The following CYB5D2 variants were observed in gnomAD, a reference collection of about 807,000 sequenced individuals.
The protein encoded by CYB5D2 is neuferricin.
Under a neutral mutation model 22.8 loss-of-function variants are expected in CYB5D2, and 23 were observed. The observed-to-expected ratio is 1.01, with a 90% CI of 0.73 to 1.43. CYB5D2 has a LOEUF of 1.43. Among genes scored for constraint, CYB5D2 ranks in the 40% most tolerant of loss-of-function variants. The pLI is 0.00. For missense variants in CYB5D2, 373 were observed against 357.2 expected, an observed-to-expected ratio of 1.04 and a Z score of -0.36; for synonymous variants, 170 against 152.2, an observed-to-expected ratio of 1.12 and a Z score of -0.86.
chr17:4,143,771 G>A lies in CYB5D2; in HGVS notation c.16G>A (p.Gly6Ser), dbSNP rs1482337195. The A allele has an allele frequency of 1.9e-5, 30 of 1,613,626 alleles. No individual in the cohort carries two copies. The highest frequency in any genetic ancestry group is 2.3e-5 in the Non-Finnish European group (27 of 1,179,936). ...GCCTATATAGATGTTGAGGTGCGGA[G>A]GCCGTGGGCTTTTGTTGGGCCTGGC... MLRCG[G>S]RGLLLGLAVA... Residue 6 changes from glycine to serine, a missense_variant, in exon 1 of 4, where the codon GGC becomes AGC. Transcript: ENST00000301391.
In CYB5D2 at chr17:4,157,550, G is replaced by A. The variant is rs562508546; in HGVS notation, c.*468G>A. 4.8e-5 allele frequency: 8 copies of A among 166,496 alleles called. No individual in the cohort carries two copies. In the South Asian group the frequency reaches 1.1e-3, roughly 24 times the overall value. The allele number at this position is 166,496 out of a possible 1,614,324, so 10.3% of individuals were successfully genotyped here. A position where few individuals can be genotyped will look rare whatever the true frequency, so the allele number is the denominator to read the frequency against. On this transcript the variant is annotated 3_prime_UTR_variant, in exon 4 of 4. Coordinates refer to ENST00000301391, the MANE Select transcript of CYB5D2 (RefSeq NM_144611.4). This position sits in a 1 kb window ranked among gnomAD's most constrained non-coding sequence, Gnocchi z 4.4. Reference sequence around the variant, plus strand: ...GAACAAAGCAACAATTTAAAGCAACGACATTTTCTGTCCTTTAAGCACTTA... The same window carrying A: ...GAACAAAGCAACAATTTAAAGCAACAACATTTTCTGTCCTTTAAGCACTTA...
chr17:4,150,168 T>C (rs1424606407), intron 2 of CYB5D2, 137 bp downstream of exon 2: 13 of 1,155,802 alleles, frequency 1.1e-5, no homozygotes, highest in Non-Finnish European at 1.6e-5. Flanking sequence ...TTCTGGTCGT[T>C]AGAATAGGGA....
chr17:4,157,273 GC>G lies in CYB5D2; in HGVS notation c.*193del. 1 of 650,864 alleles carries G rather than the reference GC, an allele frequency of 1.5e-6. No individual in the cohort carries two copies. The highest frequency in any genetic ancestry group is 2.6e-6 in the Non-Finnish European group (1 of 379,370). The allele number at this position is 650,864 out of a possible 1,614,324, so 40.3% of individuals were successfully genotyped here. On this transcript the variant is annotated 3_prime_UTR_variant, in exon 4 of 4. Transcript: ENST00000301391. This position sits in a 1 kb window ranked among gnomAD's most constrained non-coding sequence, Gnocchi z 4.4. Reference sequence around the variant, plus strand: ...CGTTGTGGTGCCTGAGGGACAGCCGGCCACCTGCCCAGTACTGGTCAGCTTT... The same window carrying G: ...CGTTGTGGTGCCTGAGGGACAGCCGGCACCTGCCCAGTACTGGTCAGCTTT...
chr17:4,151,869 G>T (rs2059062088), intron 2 of CYB5D2, among the ~76,000 whole-genome samples: 1 of 151,910 alleles, frequency 6.6e-6, no homozygotes, highest in Non-Finnish European at 1.5e-5. Flanking sequence ...AGCTGGGTGT[G>T]GTGGGACACA....
At chr17:4,145,495 T>C in intron 1 of CYB5D2, among the ~76,000 whole-genome samples, 1 of 152,200 alleles carries the variant, frequency 6.6e-6, no homozygotes, top group East Asian at 1.9e-4. Context: ...CTGTGGGAGC[T>C]GTCGTTGGAT....
chr17:4,143,496 A>T lies in CYB5D2; in HGVS notation c.-260A>T. On this transcript the variant is annotated 5_prime_UTR_variant, in exon 1 of 4. Coordinates refer to ENST00000301391, the MANE Select transcript of CYB5D2 (RefSeq NM_144611.4). ...AGCCGAGATTCCGCCAGTGCACTCC[A>T]GCCTGGACAACAAGAGCTAAAACTC... is the stretch of plus-strand genomic sequence containing the variant. 1 of 355,532 alleles carries T rather than the reference A, an allele frequency of 2.8e-6. No homozygotes were observed. 22.0% of individuals were successfully genotyped at this position (355,532 alleles called of 1,614,324 possible).
chr17:4,143,764 G>A lies in CYB5D2; in HGVS notation c.9G>A (p.Arg3=). Reference sequence around the variant, plus strand: ...CGGGTGGGCCTATATAGATGTTGAGGTGCGGAGGCCGTGGGCTTTTGTTGG... The same window carrying A: ...CGGGTGGGCCTATATAGATGTTGAGATGCGGAGGCCGTGGGCTTTTGTTGG... The part of the protein sequence containing the change: ML[R]CGGRGLLLGL... Residue 3 remains arginine, a synonymous_variant, in exon 1 of 4, where the codon AGG becomes AGA. Coordinates refer to ENST00000301391, the MANE Select transcript of CYB5D2 (RefSeq NM_144611.4). The A allele has an allele frequency of 6.2e-7, 1 of 1,613,556 alleles. No individual in the cohort carries two copies. The highest frequency in any genetic ancestry group is 8.5e-7 in the Non-Finnish European group (1 of 1,179,852).
At chr17:4,149,167 G>A (rs910526217) in intron 1 of CYB5D2, among the ~76,000 whole-genome samples, 9 of 152,176 alleles carry the variant, frequency 5.9e-5, no homozygotes, top group African/African-American at 1.4e-4. Flanking sequence ...GGATATACAG[G>A]TGTGAGCCTT....
At position 4,156,850 on chromosome 17, in the gene CYB5D2, T is replaced by C. The variant is rs755939123; in HGVS notation, c.579-16T>C. The C allele has an allele frequency of 1.9e-6, 3 of 1,612,240 alleles. No individual in the cohort carries two copies. In the Admixed American group the frequency reaches 5.0e-5, roughly 27 times the overall value. On this transcript the variant is annotated splice_polypyrimidine_tract_variant and intron_variant, in intron 3 of 3. Coordinates refer to ENST00000301391, the MANE Select transcript of CYB5D2 (RefSeq NM_144611.4). ...AGTTCTCACATTTAAGAAGTCCTCTTTCCGTCTATCCTTAGTGGAGGTGTG... is the reference window on the plus strand; with the variant it reads ...AGTTCTCACATTTAAGAAGTCCTCTCTCCGTCTATCCTTAGTGGAGGTGTG...
rs564488998 is a variant in CYB5D2, at chr17:4,152,585, C to G, written c.392-2089C>G. ...CTGTTGCCTCTGCTACTACTGTCCTCTCTTTGGGTCTCATGTCAGAAACTC... is the reference window on the plus strand; with the variant it reads ...CTGTTGCCTCTGCTACTACTGTCCTGTCTTTGGGTCTCATGTCAGAAACTC... On this transcript the variant is annotated intron_variant, in intron 2 of 3. Transcript: ENST00000301391. Among the ~76,000 whole-genome samples the G allele has an allele frequency of 6.2e-4, 94 of 152,302 alleles. 1 individual carries two copies. Among genetic ancestry groups the G allele is most frequent in the African/African-American group, 2.0e-3 (84 of 41,558 alleles).
intron 1 of CYB5D2, among the ~76,000 whole-genome samples, chr17:4,146,709 G>A (rs4553662): frequency 0.91 from 137,626 of 151,234 alleles, 64,078 homozygotes; most frequent in East Asian, 1. Flanking sequence ...TTTTTTTTTA[G>A]TATAGCCAGA....
At chr17:4,145,126 G>A (rs1012223962) in intron 1 of CYB5D2, among the ~76,000 whole-genome samples, 2 of 152,058 alleles carry the variant, frequency 1.3e-5, no homozygotes, top group African/African-American at 2.4e-5. Flanking sequence ...GCCAGCCAGC[G>A]GGACTGACCT....
chr17:4,149,844 G>GT, intron 1 of CYB5D2, 47 bp from the exon 2 acceptor site: 1 of 1,576,322 alleles, frequency 6.3e-7, no homozygotes. Context: ...AGTGGGGATG[G>GT]TGTCAGTGGT....
chr17:4,148,079 G>A (rs148202158), intron 1 of CYB5D2, among the ~76,000 whole-genome samples: 194 of 152,282 alleles, frequency 1.3e-3, no homozygotes, highest in Middle Eastern at 6.8e-3. Flanking sequence ...GCTTCCTTGA[G>A]GTTTGCTGTA....
intron 2 of CYB5D2, among the ~76,000 whole-genome samples, chr17:4,152,123 G>A (rs1042128877): frequency 7.9e-5 from 12 of 152,264 alleles, no homozygotes; most frequent in Non-Finnish European, 1.5e-4. Flanking sequence ...TGTGACAAGT[G>A]AGCTGGTCTT....
intron 3 of CYB5D2, among the ~76,000 whole-genome samples, chr17:4,155,120 C>G (rs145232073): frequency 1.3e-5 from 2 of 152,010 alleles, no homozygotes; most frequent in African/African-American, 4.8e-5. Flanking sequence ...TTATTTTTTC[C>G]GAATTCTCCA....
chr17:4,145,632 C>T (rs1405152459), intron 1 of CYB5D2, among the ~76,000 whole-genome samples: 1 of 152,196 alleles, frequency 6.6e-6, no homozygotes, highest in East Asian at 1.9e-4. Context: ...CACTACCTAC[C>T]TTGTGTCAGG....
chr17:4,147,571 T>G (rs1050093659), intron 1 of CYB5D2, among the ~76,000 whole-genome samples: 1 of 152,146 alleles, frequency 6.6e-6, no homozygotes, highest in Non-Finnish European at 1.5e-5. Context: ...AACGTGGCAG[T>G]GGCCAGGTGT....
At chr17:4,152,202 T>C (rs1428142670) in intron 2 of CYB5D2, among the ~76,000 whole-genome samples, 1 of 152,184 alleles carries the variant, frequency 6.6e-6, no homozygotes, top group African/African-American at 2.4e-5. Flanking sequence ...AGAAGGATTT[T>C]AGTTGATGTC....
Sources: allele counts gnomAD v4.1 joint callset (sites outside exome capture counted in the v4.1 genomes callset), GRCh38; gene constraint gnomAD v4.1.1; non-coding constraint Gnocchi (gnomAD v3.1); transcripts MANE v1.5; gene names NCBI Gene and HGNC (gene_info 2026-07-23, HGNC 2026-07-21).